The following CACNA1B variants were observed in gnomAD, a reference collection of about 807,000 sequenced individuals.
The protein encoded by CACNA1B is voltage-dependent N-type calcium channel subunit alpha-1B.
CACNA1B carries 70 observed loss-of-function variants against 247.2 expected under a neutral mutation model. The observed-to-expected ratio is 0.28, with a 90% CI of 0.23 to 0.35. The LOEUF (loss-of-function observed/expected upper bound fraction) is 0.35, where lower values mean the gene tolerates loss of function less well. CACNA1B is among the 10% of genes least tolerant of loss of function. The pLI, the probability that CACNA1B is intolerant of heterozygous loss-of-function variation, is 1.00. For synonymous variants in CACNA1B, 1,231 were observed against 1,294.4 expected, an observed-to-expected ratio of 0.95 and a Z score of 1.05; for missense variants, 2,367 against 3,197.4, an observed-to-expected ratio of 0.74 and a Z score of 6.26.
intron 15 of CACNA1B, among the ~76,000 whole-genome samples, chr9:137,995,703 C>T (rs1444423235): frequency 2.0e-5 from 3 of 152,210 alleles, no homozygotes; most frequent in East Asian, 3.8e-4. Context: ...AACTACAAAG[C>T]TTCTGCACAG....
rs895995154 is a variant in CACNA1B at position 138,121,333 on chromosome 9, G to T, written c.6490-136G>T. On this transcript the variant is annotated intron_variant, in intron 46 of 46. Transcript: ENST00000371372. The surrounding 1 kb of genome is among the most constrained non-coding windows in gnomAD (Gnocchi z 6.8). ...GGTGCCTGTTGCCTCCCTGGTCACC[G>T]CAGCCCGTTGTCCCCCATTGCCTCC... is the stretch of plus-strand genomic sequence containing the variant. 1.6e-6 allele frequency: 1 copy of T among 643,230 alleles called. No homozygotes were observed. The highest frequency in any genetic ancestry group is 1.8e-5 in the African/African-American group (1 of 54,300). 39.8% of individuals were successfully genotyped at this position (643,230 alleles called of 1,614,324 possible). A position where few individuals can be genotyped will look rare whatever the true frequency, so the allele number is the denominator to read the frequency against.
intron 36 of CACNA1B, among the ~76,000 whole-genome samples, chr9:138,088,388 T>C (rs1960771481): frequency 6.6e-6 from 1 of 152,030 alleles, no homozygotes; most frequent in Admixed American, 6.6e-5. Flanking sequence ...AAAATTGTTT[T>C]TTTGAAAAGA....
chr9:137,895,184 T>G (rs535344993), intron 3 of CACNA1B, among the ~76,000 whole-genome samples: 9 of 152,198 alleles, frequency 5.9e-5, no homozygotes, highest in Non-Finnish European at 1.3e-4. Context: ...TCTGGGTTCT[T>G]TATTCCGTTC....
chr9:137,966,880 C>T (rs866693129), intron 10 of CACNA1B, among the ~76,000 whole-genome samples: 2 of 151,888 alleles, frequency 1.3e-5, no homozygotes, highest in African/African-American at 4.8e-5. Context: ...GACAGAGTTA[C>T]GTTGCCCAGG....
Position 137,971,721 on chromosome 9 carries a change from A to C in CACNA1B, c.1543+129A>C. On this transcript the variant is annotated intron_variant, in intron 11 of 46. Coordinates refer to ENST00000371372, the MANE Select transcript of CACNA1B (RefSeq NM_000718.4). The surrounding 1 kb of genome is among the most constrained non-coding windows in gnomAD (Gnocchi z 4.4). ...ACCCCCATGTTGCTCAAAGTATCCCACAGCCCTAGTCAGCCTCCAGGAGCC... is the reference window on the plus strand; with the variant it reads ...ACCCCCATGTTGCTCAAAGTATCCCCCAGCCCTAGTCAGCCTCCAGGAGCC... The C allele has an allele frequency of 1.3e-6, 1 of 769,546 alleles. No individual in the cohort carries two copies. The highest frequency in any genetic ancestry group is 2.1e-6 in the Non-Finnish European group (1 of 470,938). The allele number at this position is 769,546 out of a possible 1,614,324, so 47.7% of individuals were successfully genotyped here.
chr9:138,051,724 C>A lies in CACNA1B; in HGVS notation c.3711-368C>A, dbSNP rs1959288081. Among the ~76,000 whole-genome samples the A allele has an allele frequency of 6.6e-6, 1 of 152,150 alleles. No homozygotes were observed. Among genetic ancestry groups the A allele is most frequent in the East Asian group, 1.9e-4 (1 of 5,178 alleles). On this transcript the variant is annotated intron_variant, in intron 24 of 46. Transcript: ENST00000371372. The surrounding 1 kb of genome is among the most constrained non-coding windows in gnomAD (Gnocchi z 4.3). Reference sequence around the variant, plus strand: ...AAAGCCCTTCCAGAAGATTCTCGCCCTAGAAACGTGCTTGTGGGCTCCCAC... The same window carrying A: ...AAAGCCCTTCCAGAAGATTCTCGCCATAGAAACGTGCTTGTGGGCTCCCAC...
At chr9:138,120,417 CGA>C (rs1564298631) in intron 45 of CACNA1B, 45 bp downstream of exon 45, 1 of 1,505,924 alleles carries the variant, frequency 6.6e-7, no homozygotes, top group Admixed American at 2.0e-5. Flanking sequence ...AGCTATGGCC[CGA>C]GTCAGGGGGT....
chr9:138,115,124 A>G (rs1003275153), intron 41 of CACNA1B, among the ~76,000 whole-genome samples: 3 of 152,168 alleles, frequency 2.0e-5, no homozygotes, highest in Non-Finnish European at 4.4e-5. Context: ...TCCATGCAGC[A>G]GTCTTCCCCA....
intron 12 of CACNA1B, among the ~76,000 whole-genome samples, chr9:137,979,085 C>G (rs1564218598): frequency 6.6e-6 from 1 of 152,236 alleles, no homozygotes; most frequent in Non-Finnish European, 1.5e-5. Context: ...CTGATCTGAA[C>G]TGACTGGATC....
In CACNA1B at chr9:138,122,221, C is replaced by G; in HGVS notation, c.*222C>G. ...TCTGTCCCCTTCCTGTCCTGCCTTC[C>G]TGGGTCTCGTACCACACACCAGACC... On this transcript the variant is annotated 3_prime_UTR_variant, in exon 47 of 47. Coordinates refer to ENST00000371372, the MANE Select transcript of CACNA1B (RefSeq NM_000718.4). 1.7e-6 allele frequency: 1 copy of G among 588,120 alleles called. No individual in the cohort carries two copies. Among genetic ancestry groups the G allele is most frequent in the Non-Finnish European group, 3.0e-6 (1 of 329,858 alleles). The allele number at this position is 588,120 out of a possible 1,614,324, so 36.4% of individuals were successfully genotyped here.
chr9:138,070,098 G>C (rs1444054913), intron 32 of CACNA1B, among the ~76,000 whole-genome samples: 1 of 152,234 alleles, frequency 6.6e-6, no homozygotes, highest in African/African-American at 2.4e-5. Flanking sequence ...GATTTGGGGA[G>C]GCTTTGCAGG....
At chr9:137,972,571 G>A (rs547055864) in intron 11 of CACNA1B, among the ~76,000 whole-genome samples, 6 of 152,260 alleles carry the variant, frequency 3.9e-5, no homozygotes, top group South Asian at 2.1e-4. Context: ...CTAGCCGGCC[G>A]GCTGAGCCCT....
chr9:137,968,724 TG>T (rs1958110816), intron 10 of CACNA1B, among the ~76,000 whole-genome samples: 1 of 152,206 alleles, frequency 6.6e-6, no homozygotes, highest in Admixed American at 6.5e-5. Context: ...TTTGAACAAA[TG>T]GGGGTTACCC....
chr9:138,064,309 G>A (rs1368406552), intron 31 of CACNA1B, among the ~76,000 whole-genome samples: 2 of 152,092 alleles, frequency 1.3e-5, no homozygotes, highest in East Asian at 1.9e-4. Flanking sequence ...TCCTTGGGGA[G>A]GGCAGAGAAA....
intron 36 of CACNA1B, among the ~76,000 whole-genome samples, chr9:138,095,981 A>ATG (rs1321672164): frequency 1.3e-5 from 2 of 152,172 alleles, no homozygotes; most frequent in Non-Finnish European, 2.9e-5. Flanking sequence ...CCCAATGTGT[A>ATG]TGAGGTATTC....
In CACNA1B at chr9:138,043,894, C is replaced by G; in HGVS notation, c.3407C>G (p.Thr1136Ser). 1 of 1,613,416 alleles carries G rather than the reference C, an allele frequency of 6.2e-7. No individual in the cohort carries two copies. Among genetic ancestry groups the G allele is most frequent in the Non-Finnish European group, 8.5e-7 (1 of 1,179,386 alleles). The change falls in exon 21 of 47, where the codon ACC becomes AGC. Residue 1136 changes from threonine to serine, a missense_variant. Thr to Ser is a moderately conservative substitution (Grantham distance 58). Coordinates refer to ENST00000371372, the MANE Select transcript of CACNA1B (RefSeq NM_000718.4). ...AGCTCCATGTTCTGTTTAAGCCCCA[C>G]CAACCTGTGAGTCTCCTTGCCTGCT... is the stretch of plus-strand genomic sequence containing the variant. ...PYSSMFCLSPTNLLRRFCHYI... is the reference protein window; with the variant it reads ...PYSSMFCLSPSNLLRRFCHYI...
chr9:137,925,555 T>A (rs1957539472), intron 6 of CACNA1B, among the ~76,000 whole-genome samples: 2 of 152,238 alleles, frequency 1.3e-5, no homozygotes. Context: ...TGGACTTTTG[T>A]ATGTTGATCT....
chr9:137,966,337 G>A lies in CACNA1B; in HGVS notation c.1334-5046G>A, dbSNP rs549127990. Among the ~76,000 whole-genome samples, 5 of 149,986 alleles carry A rather than the reference G, an allele frequency of 3.3e-5. No homozygotes were observed. In the East Asian group the frequency reaches 9.9e-4, roughly 30 times the overall value. ...CCTCCCGGGTTCATGCCATTCTCCT[G>A]CCTCAGCCTCCTGAGTAGCTGGGAC... On this transcript the variant is annotated intron_variant, in intron 10 of 46. Transcript: ENST00000371372.
rs1959635369 is a variant in CACNA1B, at chr9:138,059,381, A to G, written c.4584+192A>G. Among the ~76,000 whole-genome samples, 1 of 152,128 alleles carries G rather than the reference A, an allele frequency of 6.6e-6. No homozygotes were observed. The highest frequency in any genetic ancestry group is 2.4e-5 in the African/African-American group (1 of 41,430). On this transcript the variant is annotated intron_variant, in intron 30 of 46. Transcript: ENST00000371372. This position sits in a 1 kb window ranked among gnomAD's most constrained non-coding sequence, Gnocchi z 4.2. The stretch of plus-strand genomic sequence containing the variant: ...GCTACATAAGCTCTGCCCCCAGCCT[A>G]GGTCCTGGGAGGGAGGCAGGGCTGG...
Sources: allele counts gnomAD v4.1 joint callset (sites outside exome capture counted in the v4.1 genomes callset), GRCh38; gene constraint gnomAD v4.1.1; non-coding constraint Gnocchi (gnomAD v3.1); transcripts MANE v1.5; gene names NCBI Gene and HGNC (gene_info 2026-07-23, HGNC 2026-07-21).